The following NRCAM variants were observed in gnomAD, a reference collection of about 807,000 sequenced individuals.
NRCAM encodes the protein NgCAM-related cell adhesion molecule.
In NRCAM, 83 loss-of-function variants were observed where a neutral mutation model predicts 156.5. The ratio of observed to expected loss-of-function variants is 0.53; its 90% CI spans 0.44 to 0.64. NRCAM has a LOEUF of 0.64. Among genes scored for constraint, NRCAM ranks in the 30% least tolerant of loss-of-function variants. The pLI is 0.00. For synonymous variants in NRCAM, 538 were observed against 563.9 expected (o/e 0.95, Z 0.65); for missense variants, 1,417 against 1,597.3 (o/e 0.89, Z 1.92).
intron 15 of NRCAM, 141 bp downstream of exon 15, chr7:108,195,620 G>GAAA: frequency 5.5e-6 from 3 of 542,502 alleles, no homozygotes; most frequent in South Asian, 2.5e-5. Context: ...TGTCTCACAA[G>GAAA]AAAAAAAAAT....
In NRCAM at chr7:108,432,941, AGAGAAG is replaced by A. The variant is rs71522872; in HGVS notation, c.-332+23296_-332+23301del. Among the ~76,000 whole-genome samples, 237 of 145,518 alleles carry A rather than the reference AGAGAAG, an allele frequency of 1.6e-3. 2 individuals are homozygous for A. In the South Asian group the frequency reaches 0.026, roughly 16 times the overall value. Reference sequence around the variant, plus strand: ...AGAAAGAGAAAGAGGAGAAAGAGAAAGAGAAGGAGAAGGAGAAGGAGGAGAAAGAGA... The same window carrying A: ...AGAAAGAGAAAGAGGAGAAAGAGAAAGAGAAGGAGAAGGAGGAGAAAGAGA... On this transcript the variant is annotated intron_variant, in intron 1 of 32. Coordinates refer to ENST00000379028, the MANE Select transcript of NRCAM (RefSeq NM_001037132.4).
In NRCAM at chr7:108,150,016, C is replaced by A. The variant is rs755040240; in HGVS notation, c.3809G>T (p.Gly1270Val). Residue 1270 changes from glycine to valine, a missense_variant, in exon 33 of 33, where the codon GGC (glycine) becomes GTC (valine). By Grantham distance (109) the Gly-to-Val change is moderately radical (BLOSUM62 -3). This residue lies in a region of NRCAM where 179 missense variants were observed against 260.9 expected (regional missense o/e 0.69). Transcript: ENST00000379028. ...ACCACTGTATTGTCCAATAAAGGAG[C>A]CATCCTCATTGAACTGGCCATTAAC... ...EGVNGQFNED[G>V]SFIGQYSGKK... is the part of the protein sequence containing the mutation. 13 of 1,614,074 alleles carry A rather than the reference C, an allele frequency of 8.1e-6. No homozygotes were observed. The highest frequency in any genetic ancestry group is 1.3e-5 in the African/African-American group (1 of 75,042).
chr7:108,177,282 T>C (rs1391822488), intron 26 of NRCAM, among the ~76,000 whole-genome samples: 3 of 151,888 alleles, frequency 2.0e-5, no homozygotes, highest in Non-Finnish European at 4.4e-5. Context: ...GAACACAGCA[T>C]CCCAGAAATA....
At chr7:108,390,679 A>G (rs200709353) in intron 2 of NRCAM, among the ~76,000 whole-genome samples, 1 of 152,120 alleles carries the variant, frequency 6.6e-6, no homozygotes, top group African/African-American at 2.4e-5. Context: ...TGTCAATTTT[A>G]GATCTTTCCT....
chr7:108,432,398 A>C (rs1267268045), intron 1 of NRCAM, among the ~76,000 whole-genome samples: 1 of 152,246 alleles, frequency 6.6e-6, no homozygotes, highest in African/African-American at 2.4e-5. Context: ...GATTTCTACG[A>C]AACAGTAAGC....
intron 3 of NRCAM, among the ~76,000 whole-genome samples, chr7:108,289,381 G>A (rs966863135): frequency 8.5e-5 from 13 of 152,198 alleles, no homozygotes; most frequent in Admixed American, 5.9e-4. Context: ...AGCTGTCATC[G>A]TGTGGTGAAA....
At chr7:108,187,550 C>T (rs1587150880) in intron 20 of NRCAM, among the ~76,000 whole-genome samples, 1 of 152,146 alleles carries the variant, frequency 6.6e-6, no homozygotes, top group East Asian at 1.9e-4. Context: ...TGTCTTTCTG[C>T]TGATTTGTTT....
At chr7:108,178,594 G>A (rs145769534) in intron 25 of NRCAM, among the ~76,000 whole-genome samples, 2 of 152,304 alleles carry the variant, frequency 1.3e-5, no homozygotes, top group African/African-American at 2.4e-5. Context: ...GTGCAGAAAC[G>A]TTCTTATCCT....
intron 3 of NRCAM, among the ~76,000 whole-genome samples, chr7:108,285,475 T>C (rs1563108397): frequency 1.3e-5 from 2 of 152,204 alleles, no homozygotes; most frequent in African/African-American, 2.4e-5. Flanking sequence ...TCAGTCTTAG[T>C]CCTAAAGAGA....
At chr7:108,210,347 C>T (rs188709385) in intron 11 of NRCAM, among the ~76,000 whole-genome samples, 11 of 151,932 alleles carry the variant, frequency 7.2e-5, no homozygotes, top group East Asian at 1.9e-4. Flanking sequence ...CCCAGGTTCA[C>T]GCCATTCTCC....
chr7:108,157,665 T>G (rs531280915), intron 32 of NRCAM, among the ~76,000 whole-genome samples: 1 of 152,248 alleles, frequency 6.6e-6, no homozygotes, highest in South Asian at 2.1e-4. Flanking sequence ...CACCCAAATA[T>G]CAACCTTGAT....
chr7:108,185,214 T>G (rs2065953887), intron 20 of NRCAM, among the ~76,000 whole-genome samples: 1 of 152,210 alleles, frequency 6.6e-6, no homozygotes, highest in African/African-American at 2.4e-5. Context: ...TAAGACAGTT[T>G]AGAAAATCTG....
intron 2 of NRCAM, among the ~76,000 whole-genome samples, chr7:108,352,991 G>C (rs1406533697): frequency 6.6e-6 from 1 of 150,722 alleles, no homozygotes; most frequent in African/African-American, 2.4e-5. Context: ...TTTACACCAA[G>C]CCACTATTTT....
At chr7:108,188,540 T>C (rs1342881901) in intron 20 of NRCAM, among the ~76,000 whole-genome samples, 1 of 151,994 alleles carries the variant, frequency 6.6e-6, no homozygotes, top group Non-Finnish European at 1.5e-5. Flanking sequence ...TAGAACAATG[T>C]CTGGCACACA....
At position 108,300,858 on chromosome 7, in the gene NRCAM, A is replaced by G. The variant is rs113392167; in HGVS notation, c.-107+11807T>C. 6.6e-4 allele frequency among the ~76,000 whole-genome samples: 101 copies of G among 152,240 alleles called. 2 individuals carry two copies. The highest frequency in any genetic ancestry group is 2.4e-3 in the African/African-American group (100 of 41,546). On this transcript the variant is annotated intron_variant, in intron 3 of 32. Coordinates refer to ENST00000379028, the MANE Select transcript of NRCAM (RefSeq NM_001037132.4). ...ATACTCAATACAACTCAATAACAGAAAGCTTTTTAAAAAAATTACGTTTTT... is the reference window on the plus strand; with the variant it reads ...ATACTCAATACAACTCAATAACAGAGAGCTTTTTAAAAAAATTACGTTTTT...
chr7:108,281,451 G>C (rs1298150998), intron 3 of NRCAM, among the ~76,000 whole-genome samples: 3 of 152,214 alleles, frequency 2.0e-5, no homozygotes, highest in African/African-American at 7.2e-5. Context: ...AATGGTACAG[G>C]AAGGCATGAC....
At chr7:108,295,058 A>G (rs2098425338) in intron 3 of NRCAM, among the ~76,000 whole-genome samples, 1 of 152,192 alleles carries the variant, frequency 6.6e-6, no homozygotes. Flanking sequence ...GAATGGGTGA[A>G]AAAGTGATTA....
At chr7:108,181,403 A>G (rs2063397751) in intron 24 of NRCAM, among the ~76,000 whole-genome samples, 1 of 152,196 alleles carries the variant, frequency 6.6e-6, no homozygotes, top group Non-Finnish European at 1.5e-5. Flanking sequence ...CCTAGCTAAG[A>G]GTATATGGTC....
chr7:108,439,209 A>C (rs1169387925), intron 1 of NRCAM, among the ~76,000 whole-genome samples: 1 of 152,236 alleles, frequency 6.6e-6, no homozygotes, highest in African/African-American at 2.4e-5. Context: ...CAACACCAAA[A>C]GCACAAGCAA....
Sources: gnomAD v4.1 joint callset for allele counts (sites outside exome capture counted in the v4.1 genomes callset) on GRCh38, gnomAD v4.1.1 for gene constraint, gnomAD v4.1.1 regional missense constraint, MANE v1.5 for transcripts, NCBI Gene and HGNC (gene_info 2026-07-23, HGNC 2026-07-21) for gene names.